The following IGDCC4 variants were observed in gnomAD, a reference collection of about 807,000 sequenced individuals.
IGDCC4 encodes likely ortholog of mouse neighbor of Punc E11.
Under a neutral mutation model 116.6 loss-of-function variants are expected in IGDCC4, and 72 were observed. The ratio of observed to expected loss-of-function variants is 0.62; its 90% CI spans 0.51 to 0.75. IGDCC4 has a LOEUF of 0.75. Among genes scored for constraint, IGDCC4 ranks in the 30% least tolerant of loss-of-function variants. IGDCC4 has a pLI of 0.00. For missense variants in IGDCC4, 1,501 were observed against 1,662.4 expected (o/e 0.90, Z 1.69); for synonymous variants, 709 against 719.9 (o/e 0.98, Z 0.24).
intron 16 of IGDCC4, among the ~76,000 whole-genome samples, chr15:65,386,943 T>G (rs750574022): frequency 6.6e-5 from 10 of 152,160 alleles, no homozygotes; most frequent in African/African-American, 9.7e-5. Flanking sequence ...GTTGCATGGG[T>G]GTGCAACATG....
chr15:65,389,355 G>A lies in IGDCC4; in HGVS notation c.2465C>T (p.Ala822Val), dbSNP rs1270512922. ...GLKPFTKYEF[A>V]VQSHGVDMDG... ...CATGTCCACGCCGTGAGACTGCACT[G>A]CAAACTCGTATTTGGTGAATGGCTT... is the stretch of plus-strand genomic sequence containing the variant. Residue 822 changes from alanine to valine, a missense_variant, in exon 14 of 20, where the codon GCA (alanine) becomes GTA (valine). Transcript: ENST00000352385. 1 of 1,614,206 alleles carries A rather than the reference G, an allele frequency of 6.2e-7. No individual in the cohort carries two copies. The highest frequency in any genetic ancestry group is 1.7e-5 in the Admixed American group (1 of 60,014).
intron 18 of IGDCC4, 185 bp downstream of exon 18, chr15:65,385,646 C>T (rs981349261): frequency 7.4e-6 from 5 of 675,636 alleles, no homozygotes; most frequent in East Asian, 2.7e-5. Flanking sequence ...CCTATTCCGC[C>T]GGGATATGGA....
intron 3 of IGDCC4, among the ~76,000 whole-genome samples, chr15:65,407,669 G>C (rs1178852986): frequency 6.7e-6 from 1 of 148,266 alleles, no homozygotes; most frequent in Non-Finnish European, 1.5e-5. Flanking sequence ...ATTCCAGCCT[G>C]GGTGACAGGT....
At chr15:65,422,192 T>C (rs2063198554) in intron 1 of IGDCC4, among the ~76,000 whole-genome samples, 1 of 151,974 alleles carries the variant, frequency 6.6e-6, no homozygotes, top group Non-Finnish European at 1.5e-5. Context: ...CCACACCCAC[T>C]GGGCAAAGTT....
chr15:65,414,475 A>C (rs1474342041), intron 1 of IGDCC4, among the ~76,000 whole-genome samples: 1 of 152,366 alleles, frequency 6.6e-6, no homozygotes, highest in South Asian at 2.1e-4. Flanking sequence ...TCAAGGTTTC[A>C]GTCTTGCTGC....
At chr15:65,412,133 C>T (rs1014390303) in intron 1 of IGDCC4, among the ~76,000 whole-genome samples, 1 of 151,980 alleles carries the variant, frequency 6.6e-6, no homozygotes, top group Non-Finnish European at 1.5e-5. Flanking sequence ...CAAGGAGGAT[C>T]GCCTGAGCCT....
rs754941677 is a variant in IGDCC4 at position 65,382,406 on chromosome 15, TAA to T, written c.*1601_*1602del. ...CTGTGCTGAGAGACATTCCACCATTTAAAAAAAAAAAAAAAAAAAAGGAAAAA... is the reference window on the plus strand; with the variant it reads ...CTGTGCTGAGAGACATTCCACCATTTAAAAAAAAAAAAAAAAAAGGAAAAA... On this transcript the variant is annotated 3_prime_UTR_variant, in exon 20 of 20. Transcript: ENST00000352385. 0.021 allele frequency: 2,575 copies of T among 124,806 alleles called. 35 individuals carry two copies. Among genetic ancestry groups the T allele is most frequent in the Non-Finnish European group, 0.03 (1,776 of 59,346 alleles). 7.7% of individuals were successfully genotyped at this position (124,806 alleles called of 1,614,324 possible).
At chr15:65,388,426 C>T (rs202027229) in intron 16 of IGDCC4, 23 bp downstream of exon 16, 2 of 1,613,756 alleles carry the variant, frequency 1.2e-6, no homozygotes, top group Admixed American at 1.7e-5. Flanking sequence ...TCCAGGGAAA[C>T]CTGGGCTGCC....
At chr15:65,409,171 CCCTCACAACTGTCCTGTGG>C (rs1490694410) in intron 3 of IGDCC4, among the ~76,000 whole-genome samples, 6 of 152,122 alleles carry the variant, frequency 3.9e-5, no homozygotes, top group African/African-American at 1.4e-4. Flanking sequence ...CCCTCTTCCT[CCCTCACAACTGTCCTGTGG>C]CTTTTCTACC....
At chr15:65,422,743 C>T (rs940518960) in intron 1 of IGDCC4, 50 bp downstream of exon 1, 3 of 1,296,550 alleles carry the variant, frequency 2.3e-6, no homozygotes, top group East Asian at 3.2e-5. Context: ...AGGGCGCGGG[C>T]GCACCAGCAC....
intron 3 of IGDCC4, among the ~76,000 whole-genome samples, chr15:65,408,377 C>A (rs1055405931): frequency 6.6e-6 from 1 of 152,134 alleles, no homozygotes; most frequent in Non-Finnish European, 1.5e-5. Context: ...CAGGAGGCAC[C>A]CATCATCACA....
intron 7 of IGDCC4, 141 bp from the exon 8 acceptor site, chr15:65,395,399 A>G (rs2062913593): frequency 1.2e-6 from 1 of 852,182 alleles, no homozygotes; most frequent in Non-Finnish European, 1.7e-6. Flanking sequence ...TGGAGTGTAT[A>G]AACTCCCTCA....
In IGDCC4 at chr15:65,393,409, A is replaced by AG. The variant is rs2140201884; in HGVS notation, c.1836dup (p.Ser613LeufsTer59). On this transcript the variant is annotated frameshift_variant, in exon 10 of 20. Coordinates refer to ENST00000352385, the MANE Select transcript of IGDCC4 (RefSeq NM_020962.3). LOFTEE classifies it high-confidence loss of function. The surrounding 1 kb of genome is among the most constrained non-coding windows in gnomAD (Gnocchi z 4.6). ...GGCGTCCTGTGATGCATCCACTGGG[A>AG]GGGGGCCCCGAAGCCGGCTGCTGTA... is the stretch of plus-strand genomic sequence containing the variant. 1 of 1,613,414 alleles carries AG rather than the reference A, an allele frequency of 6.2e-7. No homozygotes were observed. The highest frequency in any genetic ancestry group is 8.5e-7 in the Non-Finnish European group (1 of 1,179,712).
chr15:65,394,791 T>C (rs185510586), intron 8 of IGDCC4, among the ~76,000 whole-genome samples: 18 of 152,288 alleles, frequency 1.2e-4, no homozygotes, highest in East Asian at 7.7e-4. Flanking sequence ...TTAATGTCAC[T>C]GGCCCCTACC....
intron 4 of IGDCC4, 134 bp from the exon 5 acceptor site, chr15:65,401,080 C>A (rs955555441): frequency 8.8e-7 from 1 of 1,134,104 alleles, no homozygotes; most frequent in Middle Eastern, 2.4e-4. Flanking sequence ...AGATGGGGGA[C>A]GTAGCCATAA....
At chr15:65,401,080 C>T (rs955555441) in intron 4 of IGDCC4, 134 bp from the exon 5 acceptor site, 17 of 1,134,104 alleles carry the variant, frequency 1.5e-5, no homozygotes, top group Admixed American at 1.3e-4. Context: ...AGATGGGGGA[C>T]GTAGCCATAA....
At chr15:65,422,591 C>CACTG (rs1176932244) in intron 1 of IGDCC4, among the ~76,000 whole-genome samples, 1 of 151,888 alleles carries the variant, frequency 6.6e-6, no homozygotes, top group Non-Finnish European at 1.5e-5. Context: ...GGCACACACC[C>CACTG]ACTGCGGACA....
chr15:65,417,812 T>A (rs193147536), intron 1 of IGDCC4, among the ~76,000 whole-genome samples: 2 of 152,170 alleles, frequency 1.3e-5, no homozygotes, highest in African/African-American at 4.8e-5. Context: ...GTCAGGGTGG[T>A]CTCGAACTCC....
At chr15:65,386,104 G>A (rs2091455910) in intron 17 of IGDCC4, 45 bp from the exon 18 acceptor site, 2 of 1,242,154 alleles carry the variant, frequency 1.6e-6, no homozygotes, top group South Asian at 1.5e-5. Flanking sequence ...CAGAGTAAGG[G>A]GTCAGGCGGG....
Sources: allele counts gnomAD v4.1 joint callset (sites outside exome capture counted in the v4.1 genomes callset), GRCh38; gene constraint gnomAD v4.1.1; non-coding constraint Gnocchi (gnomAD v3.1); transcripts MANE v1.5; gene names NCBI Gene and HGNC (gene_info 2026-07-23, HGNC 2026-07-21).